The following TEAD1 variants were observed in gnomAD, a reference collection of about 807,000 sequenced individuals.
The protein encoded by TEAD1 is TEA domain transcription factor 1.
Under a neutral mutation model 54.9 loss-of-function variants are expected in TEAD1, and 9 were observed. The observed-to-expected ratio is 0.16, with a 90% CI of 0.10 to 0.29. The LOEUF (loss-of-function observed/expected upper bound fraction) is 0.29. TEAD1 is among the 10% of genes least tolerant of loss of function. The probability of loss-of-function intolerance (pLI) is 1.00; values close to 1 mark genes in which losing one functional copy is unlikely to be tolerated. For synonymous variants in TEAD1, 200 were observed against 187.8 expected (o/e 1.07, Z -0.53); for missense variants, 387 against 535.9 (o/e 0.72, Z 2.74).
intron 2 of TEAD1, among the ~76,000 whole-genome samples, chr11:12,707,407 T>C (rs576013203): frequency 4.7e-4 from 71 of 152,314 alleles, no homozygotes; most frequent in African/African-American, 1.6e-3. Context: ...TATTCACGTT[T>C]AATGGTGGCA....
chr11:12,873,447 C>T (rs1377454436), intron 5 of TEAD1, among the ~76,000 whole-genome samples: 1 of 152,102 alleles, frequency 6.6e-6, no homozygotes, highest in East Asian at 1.9e-4. Flanking sequence ...ACGATGTTGA[C>T]AATTATAAAA....
At chr11:12,872,005 T>G (rs1427883423) in intron 5 of TEAD1, among the ~76,000 whole-genome samples, 1 of 152,206 alleles carries the variant, frequency 6.6e-6, no homozygotes, top group East Asian at 1.9e-4. Context: ...GGGGCCATTT[T>G]CTTGTTCTCG....
At chr11:12,693,558 G>A (rs1487170945) in intron 2 of TEAD1, among the ~76,000 whole-genome samples, 1 of 152,180 alleles carries the variant, frequency 6.6e-6, no homozygotes, top group Non-Finnish European at 1.5e-5. Context: ...TCCACTTTTG[G>A]GAAGTTGAAA....
rs10706947 is a variant in TEAD1, at chr11:12,852,449, C to CT, written c.203-9786dup. On this transcript the variant is annotated intron_variant, in intron 3 of 12. Coordinates refer to ENST00000527636, the MANE Select transcript of TEAD1 (RefSeq NM_021961.6). ...CTCCATTAAATCTCATCTTTTTTTCCTTTTTTTTTTTTTTTCGAGACAGAG... is the reference window on the plus strand; with the variant it reads ...CTCCATTAAATCTCATCTTTTTTTCCTTTTTTTTTTTTTTTTCGAGACAGAG... 5.6e-3 allele frequency among the ~76,000 whole-genome samples: 745 copies of CT among 132,680 alleles called. 7 individuals carry two copies. Among genetic ancestry groups the CT allele is most frequent in the African/African-American group, 0.015 (562 of 36,278 alleles). 87.0% of individuals were successfully genotyped at this position (132,680 alleles called of 152,430 possible).
chr11:12,760,881 C>A (rs1392860587), intron 2 of TEAD1, among the ~76,000 whole-genome samples: 3 of 152,068 alleles, frequency 2.0e-5, no homozygotes, highest in South Asian at 2.1e-4. Context: ...CAGCCCCAGT[C>A]TTGTGTTAGG....
At position 12,943,335 on chromosome 11, in the gene TEAD1, A is replaced by C. The variant is rs17412726; in HGVS notation, c.*6113A>C. 6.6e-6 allele frequency: 1 copy of C among 152,652 alleles called. No individual in the cohort carries two copies. The highest frequency in any genetic ancestry group is 2.4e-5 in the African/African-American group (1 of 41,450). 9.5% of individuals were successfully genotyped at this position (152,652 alleles called of 1,614,324 possible). On this transcript the variant is annotated 3_prime_UTR_variant, in exon 13 of 13. Transcript: ENST00000527636. ...GCTTGTTTTCCTGCTTCTCTTTTCA[A>C]CTGTTACTGTGCTTTGTTTGAAAGT...
intron 3 of TEAD1, among the ~76,000 whole-genome samples, chr11:12,779,484 A>G (rs1590142656): frequency 6.6e-6 from 1 of 152,160 alleles, no homozygotes; most frequent in Non-Finnish European, 1.5e-5. Context: ...AAACCTCCAT[A>G]TCCTCATCTG....
intron 3 of TEAD1, among the ~76,000 whole-genome samples, chr11:12,781,417 C>G (rs929062205): frequency 6.6e-6 from 1 of 151,918 alleles, no homozygotes; most frequent in Non-Finnish European, 1.5e-5. Flanking sequence ...ATTTTCAAAT[C>G]ATAAATCTAG....
intron 3 of TEAD1, among the ~76,000 whole-genome samples, chr11:12,779,101 G>T (rs1268991780): frequency 6.6e-6 from 1 of 152,170 alleles, no homozygotes; most frequent in South Asian, 2.1e-4. Context: ...ATGTTTCTAA[G>T]TGGTAGGGGT....
intron 3 of TEAD1, among the ~76,000 whole-genome samples, chr11:12,860,125 A>G (rs1005516146): frequency 2.6e-5 from 4 of 152,186 alleles, no homozygotes; most frequent in African/African-American, 4.8e-5. Context: ...TAGCTTGTGT[A>G]CAACTCCAAG....
Position 12,939,110 on chromosome 11 carries a change from C to G in TEAD1, c.*1888C>G, listed in dbSNP as rs958024455. The G allele has an allele frequency of 2.6e-4, 39 of 152,294 alleles. No homozygotes were observed. The highest frequency in any genetic ancestry group is 9.4e-4 in the African/African-American group (39 of 41,546). 9.4% of individuals were successfully genotyped at this position (152,294 alleles called of 1,614,324 possible). ...CTGACCTCTCCCAAATTGGGAAGAC[C>G]AGAGGAGAAAGTGCAAAACTGTCCC... On this transcript the variant is annotated 3_prime_UTR_variant, in exon 13 of 13. Coordinates refer to ENST00000527636, the MANE Select transcript of TEAD1 (RefSeq NM_021961.6).
chr11:12,892,181 A>G (rs1948210944), intron 9 of TEAD1, among the ~76,000 whole-genome samples: 1 of 152,212 alleles, frequency 6.6e-6, no homozygotes, highest in Admixed American at 6.5e-5. Context: ...CAATGGCCTA[A>G]ATTTACAGAT....
intron 2 of TEAD1, among the ~76,000 whole-genome samples, chr11:12,752,301 C>T (rs1944891948): frequency 6.8e-6 from 1 of 146,390 alleles, no homozygotes; most frequent in Non-Finnish European, 1.5e-5. Context: ...AGGGCACACA[C>T]ATCATCAATA....
chr11:12,719,969 TTTTTTTTTTTTTTTTTTTTTTTTTTG>T (rs1564917626), intron 2 of TEAD1, among the ~76,000 whole-genome samples: 7,027 of 68,762 alleles, frequency 0.1, 1,291 homozygotes, highest in African/African-American at 0.4. Context: ...TTTTTTTTTT[TTTTTTTTTTTTTTTTTTTTTTTTTTG>T]GGGGGGGACC....
At chr11:12,764,767 C>T (rs150810205) in intron 3 of TEAD1, among the ~76,000 whole-genome samples, 1 of 151,402 alleles carries the variant, frequency 6.6e-6, no homozygotes, top group East Asian at 1.9e-4. Context: ...GAACACAGAC[C>T]AGATCACAAG....
chr11:12,686,289 G>A (rs940180834), intron 2 of TEAD1, among the ~76,000 whole-genome samples: 9 of 152,112 alleles, frequency 5.9e-5, no homozygotes, highest in African/African-American at 2.2e-4. Context: ...TGGTGTCTTG[G>A]TATTGAGCTC....
chr11:12,813,781 CA>C (rs112327538), intron 3 of TEAD1, among the ~76,000 whole-genome samples: 301 of 152,232 alleles, frequency 2.0e-3, no homozygotes, highest in African/African-American at 6.4e-3. Flanking sequence ...GCAGTGGTGC[CA>C]GGGGGTGGCG....
intron 3 of TEAD1, among the ~76,000 whole-genome samples, chr11:12,831,995 C>T (rs2134018713): frequency 6.6e-6 from 1 of 152,178 alleles, no homozygotes; most frequent in South Asian, 2.1e-4. Flanking sequence ...CGGCAAGTTT[C>T]TTAGCACTGT....
intron 5 of TEAD1, 111 bp downstream of exon 5, chr11:12,865,011 C>G (rs1947587539): frequency 1.7e-6 from 2 of 1,156,262 alleles, no homozygotes; most frequent in Non-Finnish European, 2.6e-6. Context: ...AGTTTCCTTG[C>G]ATGTGAGAGC....
Sources: allele counts gnomAD v4.1 joint callset (sites outside exome capture counted in the v4.1 genomes callset), GRCh38; gene constraint gnomAD v4.1.1; transcripts MANE v1.5; gene names NCBI Gene and HGNC (gene_info 2026-07-23, HGNC 2026-07-21).